The following EGFL6 variants were observed in gnomAD, a reference collection of about 807,000 sequenced individuals.
The protein encoded by EGFL6 is EGF like domain multiple 6.
A neutral mutation model predicts 43.1 loss-of-function variants in EGFL6; 42 were observed. The ratio of observed to expected loss-of-function variants is 0.98; its 90% CI spans 0.76 to 1.26. The LOEUF (loss-of-function observed/expected upper bound fraction) is 1.26. Among genes scored for constraint, EGFL6 ranks in the 50% most tolerant of loss-of-function variants. The probability of loss-of-function intolerance (pLI) is 0.00; values close to 1 mark genes in which losing one functional copy is unlikely to be tolerated. For missense variants in EGFL6, 429 were observed against 427.8 expected, an observed-to-expected ratio of 1.00 and a Z score of -0.02; for synonymous variants, 164 against 163.2, an observed-to-expected ratio of 1.01 and a Z score of -0.04.
Position 13,569,637 on chromosome X carries a change from G to A in EGFL6, c.-225G>A. 1 of 294,476 alleles carries A rather than the reference G, an allele frequency of 3.4e-6. No individual in the cohort carries two copies. Among genetic ancestry groups the A allele is most frequent in the Non-Finnish European group, 6.0e-6 (1 of 166,494 alleles). 24.3% of individuals were successfully genotyped at this position (294,476 alleles called of 1,213,427 possible). A position where few individuals can be genotyped will look rare whatever the true frequency, so the allele number is the denominator to read the frequency against. ...CCAGCTTCATCCGCAGAGGAGCCTC[G>A]GCCAGGCTTGCCAGGGCGCCCCCAG... On this transcript the variant is annotated 5_prime_UTR_variant, in exon 1 of 12. Transcript: ENST00000361306.
At chrX:13,583,508 T>C (rs2045519008) in intron 1 of EGFL6, among the ~76,000 whole-genome samples, 1 of 111,685 alleles carries the variant, frequency 9.0e-6, no homozygotes, top group African/African-American at 3.3e-5. Flanking sequence ...ATGTGTGTAG[T>C]TACTTAATAA....
chrX:13,622,448 TG>T (rs1338031360), intron 9 of EGFL6, among the ~76,000 whole-genome samples: 1 of 112,227 alleles, frequency 8.9e-6, no homozygotes, highest in Non-Finnish European at 1.9e-5. Context: ...AATCAGCTGC[TG>T]CTGTGTTTCT....
intron 9 of EGFL6, among the ~76,000 whole-genome samples, 188 bp downstream of exon 9, chrX:13,619,431 T>C (rs1050844009): frequency 4.5e-5 from 5 of 111,631 alleles, no homozygotes; most frequent in African/African-American, 1.6e-4. Flanking sequence ...GTACTAATGA[T>C]TGAAATATAG....
chrX:13,611,451 C>CA (rs963191479), intron 7 of EGFL6, among the ~76,000 whole-genome samples: 9 of 112,029 alleles, frequency 8.0e-5, no homozygotes, highest in African/African-American at 2.9e-4. Flanking sequence ...GTGGGCAACT[C>CA]ACCCCCACAT....
At chrX:13,589,730 T>C (rs1426662840) in intron 2 of EGFL6, 62 bp downstream of exon 2, 2 of 957,050 alleles carry the variant, frequency 2.1e-6, no homozygotes, top group Non-Finnish European at 2.9e-6. Context: ...TTATCTGTCA[T>C]ACCATGAACT....
Position 13,599,986 on chromosome X carries a change from T to C in EGFL6, c.292T>C (p.Cys98Arg). 2 of 1,210,370 alleles carry C rather than the reference T, an allele frequency of 1.7e-6. No individual in the cohort carries two copies. Among genetic ancestry groups the C allele is most frequent in the South Asian group, 1.8e-5 (1 of 56,929 alleles). Residue 98 changes from cysteine to arginine, a missense_variant, in exon 4 of 12, where the codon TGT becomes CGT. Coordinates refer to ENST00000361306, the MANE Select transcript of EGFL6 (RefSeq NM_015507.4). ...AAATGTCCCTGCAGATGTGAATGAG[T>C]GTGGAATGAAACCCCGGCCATGCCA... Reference protein sequence around the residue: ...GKTCSQDVNECGMKPRPCQHR... With the variant: ...GKTCSQDVNERGMKPRPCQHR...
chrX:13,580,350 G>A (rs1255236197), intron 1 of EGFL6, among the ~76,000 whole-genome samples: 1 of 111,509 alleles, frequency 9.0e-6, no homozygotes, highest in African/African-American at 3.3e-5. Context: ...GCCTCTTTCT[G>A]CTGCATTCTT....
chrX:13,632,901 C>T lies in EGFL6; in HGVS notation c.1552-84C>T, dbSNP rs142159607. 3.1e-3 allele frequency: 2,657 copies of T among 868,485 alleles called. 54 individuals are homozygous for T. The African/African-American group carries it at 0.048, about 16-fold the overall frequency. 71.6% of individuals were successfully genotyped at this position (868,485 alleles called of 1,213,427 possible). A position where few individuals can be genotyped will look rare whatever the true frequency, so the allele number is the denominator to read the frequency against. ...AGCCGGTTTCTATGAAATAGGGACA[C>T]GAGTTAATAGCTATTAAATAGCTTG... On this transcript the variant is annotated intron_variant, in intron 11 of 11. Coordinates refer to ENST00000361306, the MANE Select transcript of EGFL6 (RefSeq NM_015507.4).
chrX:13,632,215 C>CA (rs566486188), intron 11 of EGFL6, among the ~76,000 whole-genome samples: 6,036 of 71,251 alleles, frequency 0.085, 182 homozygotes, highest in African/African-American at 0.13. Flanking sequence ...GACTCCGTCT[C>CA]AAAAAAAAAA....
chrX:13,628,428 T>C (rs1032564500), intron 11 of EGFL6, among the ~76,000 whole-genome samples: 1 of 109,976 alleles, frequency 9.1e-6, no homozygotes. Context: ...AGTTCTTTCT[T>C]TGGAGGGGAA....
At chrX:13,587,836 A>C (rs2045542015) in intron 1 of EGFL6, among the ~76,000 whole-genome samples, 1 of 112,223 alleles carries the variant, frequency 8.9e-6, no homozygotes, top group Non-Finnish European at 1.9e-5. Flanking sequence ...TGCCTGAGAC[A>C]GTACTTGGTA....
intron 1 of EGFL6, among the ~76,000 whole-genome samples, chrX:13,585,595 G>A (rs761885689): frequency 1.8e-5 from 2 of 110,887 alleles, no homozygotes; most frequent in South Asian, 3.9e-4. Context: ...AATAGGTAAG[G>A]TCCTTCCTAT....
At chrX:13,592,166 A>G (rs2045567394) in intron 2 of EGFL6, among the ~76,000 whole-genome samples, 1 of 109,548 alleles carries the variant, frequency 9.1e-6, no homozygotes. Flanking sequence ...TCCTGTCTGG[A>G]CCACATTGGA....
intron 11 of EGFL6, among the ~76,000 whole-genome samples, chrX:13,632,169 C>T (rs1048559502): frequency 1.5e-4 from 16 of 107,928 alleles, no homozygotes; most frequent in East Asian, 5.8e-4. Flanking sequence ...AGGCCGGGCA[C>T]GGTGGCTCAC....
At chrX:13,595,224 G>GA (rs1028254610) in intron 3 of EGFL6, among the ~76,000 whole-genome samples, 10 of 109,667 alleles carry the variant, frequency 9.1e-5, no homozygotes, top group East Asian at 2.8e-4. Context: ...CCGTAACACA[G>GA]AAAAAAAGAG....
chrX:13,589,335 T>C (rs2045550318), intron 1 of EGFL6, among the ~76,000 whole-genome samples: 2 of 112,169 alleles, frequency 1.8e-5, no homozygotes, highest in Non-Finnish European at 3.8e-5. Flanking sequence ...CCTAGTTTTA[T>C]AGATTCTTTT....
At chrX:13,585,027 G>A (rs761477229) in intron 1 of EGFL6, among the ~76,000 whole-genome samples, 2 of 111,855 alleles carry the variant, frequency 1.8e-5, no homozygotes, top group South Asian at 3.8e-4. Context: ...TGTTTTTCAA[G>A]AGAAAAACCT....
At chrX:13,579,712 C>T (rs766969470) in intron 1 of EGFL6, among the ~76,000 whole-genome samples, 13 of 111,040 alleles carry the variant, frequency 1.2e-4, no homozygotes, top group Non-Finnish European at 2.3e-4. Flanking sequence ...TTTGAGGAAT[C>T]GCCATACTGC....
intron 10 of EGFL6, 89 bp from the exon 11 acceptor site, chrX:13,626,922 T>C (rs1478889183): frequency 2.0e-6 from 2 of 1,002,717 alleles, no homozygotes; most frequent in Non-Finnish European, 2.7e-6. Context: ...AGGAGACTAT[T>C]GTTTACTTTT....
Sources: gnomAD v4.1 joint callset for allele counts (sites outside exome capture counted in the v4.1 genomes callset) on GRCh38, gnomAD v4.1.1 for gene constraint, MANE v1.5 for transcripts, NCBI Gene and HGNC (gene_info 2026-07-23, HGNC 2026-07-21) for gene names.